The following CRELD2 variants were observed in gnomAD, a reference collection of about 807,000 sequenced individuals.
CRELD2 encodes protein disulfide isomerase CRELD2.
CRELD2 carries 33 observed loss-of-function variants against 48.1 expected under a neutral mutation model. The observed-to-expected ratio is 0.69, with a 90% CI of 0.52 to 0.92. The LOEUF is 0.92. Ranked by LOEUF, CRELD2 falls within the 40% of genes least tolerant of loss-of-function variation. CRELD2 has a pLI of 0.00. For missense variants in CRELD2, 477 were observed against 482.4 expected, an observed-to-expected ratio of 0.99 and a Z score of 0.10; for synonymous variants, 220 against 203.9, an observed-to-expected ratio of 1.08 and a Z score of -0.67.
Position 49,918,881 on chromosome 22 carries a change from G to C in CRELD2, c.112G>C (p.Val38Leu), listed in dbSNP as rs1345023788. The C allele has an allele frequency of 4.4e-5, 57 of 1,298,226 alleles. No individual in the cohort carries two copies. Among genetic ancestry groups the C allele is most frequent in the Non-Finnish European group, 5.2e-5 (53 of 1,024,962 alleles). 80.4% of individuals were successfully genotyped at this position (1,298,226 alleles called of 1,614,324 possible). The change falls in exon 1 of 10, where the codon GTG becomes CTG. Residue 38 changes from valine to leucine, a missense_variant. Transcript: ENST00000328268. ...GCCCTGCCACCGGTGCCGGGGGCTG[G>C]TGGACAAGTTTAACCAGGTGGGAAG... ...PTPCHRCRGL[V>L]DKFNQGMVDT...
chr22:49,925,369 G>A lies in CRELD2; in HGVS notation c.869-48G>A, dbSNP rs141284199. On this transcript the variant is annotated intron_variant, in intron 8 of 9. Coordinates refer to ENST00000328268, the MANE Select transcript of CRELD2 (RefSeq NM_024324.5). ...ATGAATGAATTTCATAATCCGCTGC[G>A]CGTCTGCTGAGCAAAGTAATTATTA... is the stretch of plus-strand genomic sequence containing the variant. 1.3e-4 allele frequency: 156 copies of A among 1,201,210 alleles called. No individual in the cohort carries two copies. In the East Asian group the frequency reaches 1.7e-3, roughly 13 times the overall value. The allele number at this position is 1,201,210 out of a possible 1,614,324, so 74.4% of individuals were successfully genotyped here. A position where few individuals can be genotyped will look rare whatever the true frequency, so the allele number is the denominator to read the frequency against.
At chr22:49,925,786 C>A (rs1308200632) in intron 9 of CRELD2, 14 of 1,354,368 alleles carry the variant, frequency 1.0e-5, no homozygotes, top group Non-Finnish European at 1.3e-5. Context: ...GAAGTTCAGG[C>A]GATGAAGGGG....
At chr22:49,919,968 G>A in intron 3 of CRELD2, 128 bp downstream of exon 3, 1 of 819,510 alleles carries the variant, frequency 1.2e-6, no homozygotes, top group Non-Finnish European at 2.0e-6. Context: ...CCTTACCCCT[G>A]CATTACCGTT....
At chr22:49,923,698 C>T (rs9616210) in intron 7 of CRELD2, 42,285 of 362,074 alleles carry the variant, frequency 0.12, 2,724 homozygotes, top group African/African-American at 0.16. Flanking sequence ...GATTTTGGAG[C>T]CATTATTTCA....
intron 2 of CRELD2, 67 bp downstream of exon 2, chr22:49,919,379 T>C: frequency 7.0e-7 from 1 of 1,427,952 alleles, no homozygotes; most frequent in Non-Finnish European, 9.8e-7. Context: ...TGTCCTGCCT[T>C]TGGTGCCTGT....
chr22:49,919,101 C>T, intron 1 of CRELD2, 129 bp from the exon 2 acceptor site: 1 of 1,025,570 alleles, frequency 9.8e-7, no homozygotes, highest in East Asian at 2.4e-5. Flanking sequence ...GACCCGGATC[C>T]ACCCCCACCG....
Position 49,918,712 on chromosome 22 carries a change from A to AGCAGCACG in CRELD2, c.-55_-48dup. 4.6e-6 allele frequency: 3 copies of AGCAGCACG among 656,020 alleles called. No homozygotes were observed. Among genetic ancestry groups the AGCAGCACG allele is most frequent in the Non-Finnish European group, 6.5e-6 (3 of 463,452 alleles). 40.6% of individuals were successfully genotyped at this position (656,020 alleles called of 1,614,324 possible). A position where few individuals can be genotyped will look rare whatever the true frequency, so the allele number is the denominator to read the frequency against. On this transcript the variant is annotated 5_prime_UTR_variant, in exon 1 of 10. Coordinates refer to ENST00000328268, the MANE Select transcript of CRELD2 (RefSeq NM_024324.5). ...AGCGGGTGGGCGGCCGGGAGGCCGG[A>AGCAGCACG]GCAGCACGGCCGCAGGACCTGGAGC...
rs775729767 is a variant in CRELD2 at position 49,921,732 on chromosome 22, T to C, written c.563T>C (p.Leu188Pro). ...TDCMDGYFSS[L>P]RNETHSICTA... ...TGCATGGACGGCTACTTCAGCTCGC[T>C]CCGGAACGAGACCCACAGCATCTGC... The change falls in exon 5 of 10, where the codon CTC (leucine) becomes CCC (proline). Residue 188 changes from leucine to proline, a missense_variant. Physicochemically the swap from Leu to Pro is moderately conservative, Grantham distance 98 (BLOSUM62 -3). Coordinates refer to ENST00000328268, the MANE Select transcript of CRELD2 (RefSeq NM_024324.5). 3.9e-5 allele frequency: 63 copies of C among 1,612,472 alleles called. No individual in the cohort carries two copies. The highest frequency in any genetic ancestry group is 5.3e-5 in the Non-Finnish European group (63 of 1,179,754).
chr22:49,925,285 C>T (rs2146663969), intron 8 of CRELD2, 132 bp from the exon 9 acceptor site: 3 of 693,640 alleles, frequency 4.3e-6, no homozygotes, highest in Non-Finnish European at 7.3e-6. Flanking sequence ...CTGATCTTTG[C>T]TCCTTTCTGT....
Position 49,918,780 on chromosome 22 carries a change from C to A in CRELD2, c.11C>A (p.Pro4Gln). Residue 4 changes from proline to glutamine, a missense_variant, in exon 1 of 10, where the codon CCG becomes CAG. Pro to Gln is a moderately conservative substitution (Grantham distance 76, BLOSUM62 -1). Transcript: ENST00000328268. MRL[P>Q]RRAALGLLPL... is the part of the protein sequence containing the mutation. ...GCAGCGCTACCCGCCATGCGCCTGC[C>A]GCGCCGGGCCGCGCTGGGGCTCCTG... 8.0e-7 allele frequency: 1 copy of A among 1,257,270 alleles called. No individual in the cohort carries two copies. Among genetic ancestry groups the A allele is most frequent in the Non-Finnish European group, 1.0e-6 (1 of 984,564 alleles). 77.9% of individuals were successfully genotyped at this position (1,257,270 alleles called of 1,614,324 possible).
chr22:49,925,120 G>C, intron 8 of CRELD2: 1 of 227,480 alleles, frequency 4.4e-6, no homozygotes, highest in Non-Finnish European at 8.6e-6. Context: ...GACAGAGCGA[G>C]ACTCCGCCTC....
intron 7 of CRELD2, chr22:49,923,807 T>C (rs1468842667): frequency 3.8e-6 from 1 of 266,004 alleles, no homozygotes; most frequent in East Asian, 1.2e-4. Context: ...ACATTCCTTA[T>C]GATTTTCTGT....
chr22:49,921,934 G>A, intron 5 of CRELD2, 173 bp downstream of exon 5: 1 of 679,956 alleles, frequency 1.5e-6, no homozygotes, highest in Non-Finnish European at 2.4e-6. Flanking sequence ...AGAGGCAGAG[G>A]TTGTCGGGCA....
intron 8 of CRELD2, 185 bp downstream of exon 8, chr22:49,924,640 G>A: frequency 2.1e-6 from 1 of 485,944 alleles, no homozygotes; most frequent in South Asian, 2.6e-5. Context: ...TGGGGGTGGG[G>A]GACGGGCTCT....
At chr22:49,918,975 T>C in intron 1 of CRELD2, 77 bp downstream of exon 1, 1 of 1,235,662 alleles carries the variant, frequency 8.1e-7, no homozygotes, top group Non-Finnish European at 1.1e-6. Flanking sequence ...CGCCCCACCT[T>C]GGGCCCAGGG....
At chr22:49,922,812 G>GGCGT (rs2060708861) in intron 6 of CRELD2, 105 bp downstream of exon 6, 1 of 115,550 alleles carries the variant, frequency 8.7e-6, no homozygotes, top group African/African-American at 4.4e-5. Context: ...GCGGGAGGCA[G>GGCGT]GGGGGCGTGA....
Position 49,918,803 on chromosome 22 carries a change from C to T in CRELD2, c.34C>T (p.Leu12=). 1 of 1,329,914 alleles carries T rather than the reference C, an allele frequency of 7.5e-7. No homozygotes were observed. Among genetic ancestry groups the T allele is most frequent in the African/African-American group, 1.5e-5 (1 of 65,092 alleles). 82.4% of individuals were successfully genotyped at this position (1,329,914 alleles called of 1,614,324 possible). ...RLPRRAALGL[L]PLLLLLPPAP... is the part of the protein sequence containing the mutation. The stretch of plus-strand genomic sequence containing the variant: ...GCCGCGCCGGGCCGCGCTGGGGCTC[C>T]TGCCGCTTCTGCTGCTGCTGCCGCC... The change falls in exon 1 of 10, where the codon CTG becomes TTG. Residue 12 remains leucine (L), a synonymous_variant. Transcript: ENST00000328268.
rs763847376 is a variant in CRELD2 at position 49,925,659 on chromosome 22, T to C, written c.1009+102T>C. 4 of 1,567,254 alleles carry C rather than the reference T, an allele frequency of 2.6e-6. No homozygotes were observed. The Admixed American group carries it at 7.2e-5, about 28-fold the overall frequency. On this transcript the variant is annotated intron_variant, in intron 9 of 9. Transcript: ENST00000328268. ...TCTGAAATCCACACAGATGGTGGCC[T>C]TGAGATGGTGAGAGGGGGATTCCCG...
intron 7 of CRELD2, chr22:49,923,561 T>C (rs1414242260): frequency 9.8e-6 from 6 of 610,014 alleles, no homozygotes; most frequent in African/African-American, 7.4e-5. Flanking sequence ...GTGCCTCCAC[T>C]GCTCGTGCCC....
Sources: gnomAD v4.1 joint callset for allele counts on GRCh38, gnomAD v4.1.1 for gene constraint, MANE v1.5 for transcripts, NCBI Gene and HGNC (gene_info 2026-07-23, HGNC 2026-07-21) for gene names.